Variants in NRAP observed in about 807,000 individuals in gnomAD.
NRAP encodes the protein nebulin related anchoring protein.
In NRAP, 189 loss-of-function variants were observed where a neutral mutation model predicts 225.9. That is an observed-to-expected ratio of 0.84 (90% CI 0.74 to 0.94). The LOEUF is 0.94. Ranked by LOEUF, NRAP falls within the 40% of genes least tolerant of loss-of-function variation. The probability of loss-of-function intolerance (pLI) is 0.00; values close to 1 mark genes in which losing one functional copy is unlikely to be tolerated. For synonymous variants in NRAP, 769 were observed against 790.7 expected (o/e 0.97, Z 0.46); for missense variants, 2,176 against 2,168.7 (o/e 1.00, Z -0.07).
Position 113,612,399 on chromosome 10 carries a change from C to T in NRAP, c.3333G>A (p.Lys1111=). Residue 1111 remains lysine (K), a synonymous_variant, in exon 30 of 42, where the codon AAG becomes AAA. Coordinates refer to ENST00000359988, the MANE Select transcript of NRAP (RefSeq NM_198060.4). The part of the protein sequence containing the change: ...VNYKKGFEHS[K]AQFHLPLDMA... ...TGTCCAACGGCAGATGGAACTGCGC[C>T]TTTGAGTGTTCAAAGCCTTTCTTGT... 1 of 1,614,172 alleles carries T rather than the reference C, an allele frequency of 6.2e-7. No individual in the cohort carries two copies. Among genetic ancestry groups the T allele is most frequent in the Non-Finnish European group, 8.5e-7 (1 of 1,180,036 alleles).
In NRAP at chr10:113,590,211, C is replaced by G. The variant is rs537907262; in HGVS notation, c.4956+367G>C. Reference sequence around the variant, plus strand: ...AGCATAGCCATCGAGAGCTTGGGCCCTCACAGCAAACCAAAAGGGGTTGGT... The same window carrying G: ...AGCATAGCCATCGAGAGCTTGGGCCGTCACAGCAAACCAAAAGGGGTTGGT... On this transcript the variant is annotated intron_variant, in intron 40 of 41. Coordinates refer to ENST00000359988, the MANE Select transcript of NRAP (RefSeq NM_198060.4). 1.1e-4 allele frequency among the ~76,000 whole-genome samples: 16 copies of G among 152,336 alleles called. No individual in the cohort carries two copies. In the South Asian group the frequency reaches 2.7e-3, roughly 26 times the overall value.
At chr10:113,599,782 G>A (rs1234506987) in intron 35 of NRAP, among the ~76,000 whole-genome samples, 1 of 149,080 alleles carries the variant, frequency 6.7e-6, no homozygotes, top group Non-Finnish European at 1.5e-5. Context: ...TGGTTTCGAA[G>A]AAGGATTATA....
At chr10:113,622,237 C>G in intron 23 of NRAP, 57 bp from the exon 24 acceptor site, 1 of 1,172,558 alleles carries the variant, frequency 8.5e-7, no homozygotes, top group South Asian at 1.4e-5. Context: ...AATTGTTAGG[C>G]TTCAGACTCC....
At chr10:113,617,340 C>T (rs1319077244) in intron 26 of NRAP, 115 bp downstream of exon 26, 21 of 678,654 alleles carry the variant, frequency 3.1e-5, no homozygotes, top group South Asian at 5.5e-5. Flanking sequence ...GGACAGGGAG[C>T]GCCTTCATCC....
At position 113,640,151 on chromosome 10, in the gene NRAP, T is replaced by C. The variant is rs1849113984; in HGVS notation, c.1428+76A>G. ...CTGTTGTATCATGTTTCTTTCCATC[T>C]TGCTACCTACAAATCACTCCTCAGG... On this transcript the variant is annotated intron_variant, in intron 14 of 41. Transcript: ENST00000359988. 8 of 788,088 alleles carry C rather than the reference T, an allele frequency of 1.0e-5. No individual in the cohort carries two copies. In the South Asian group the frequency reaches 1.3e-4, roughly 13 times the overall value. 48.8% of individuals were successfully genotyped at this position (788,088 alleles called of 1,614,324 possible). A position where few individuals can be genotyped will look rare whatever the true frequency, so the allele number is the denominator to read the frequency against.
At chr10:113,659,545 G>C (rs1383355449) in intron 3 of NRAP, among the ~76,000 whole-genome samples, 1 of 152,106 alleles carries the variant, frequency 6.6e-6, no homozygotes, top group African/African-American at 2.4e-5. Flanking sequence ...GCCTCCCCTA[G>C]GGACCTTTCG....
Position 113,605,756 on chromosome 10 carries a change from A to G in NRAP, c.3915+6T>C. The stretch of plus-strand genomic sequence containing the variant: ...GCAAGATGGAAGGTCATATCATTCA[A>G]CTCACATCACTGGCTATATCTCCAG... On this transcript the variant is annotated splice_donor_region_variant and intron_variant, in intron 34 of 41. Coordinates refer to ENST00000359988, the MANE Select transcript of NRAP (RefSeq NM_198060.4). 1 of 1,574,228 alleles carries G rather than the reference A, an allele frequency of 6.4e-7. No individual in the cohort carries two copies. Among genetic ancestry groups the G allele is most frequent in the Non-Finnish European group, 8.7e-7 (1 of 1,143,986 alleles).
chr10:113,605,848 G>T lies in NRAP; in HGVS notation c.3829C>A (p.Arg1277Ser), dbSNP rs1452260134. 1.2e-6 allele frequency: 2 copies of T among 1,613,482 alleles called. No homozygotes were observed. Among genetic ancestry groups the T allele is most frequent in the Non-Finnish European group, 1.7e-6 (2 of 1,179,416 alleles). Residue 1277 changes from arginine to serine, a missense_variant, in exon 34 of 42, where the codon CGT becomes AGT. Arg to Ser is a moderately radical substitution (Grantham distance 110, BLOSUM62 -1). Coordinates refer to ENST00000359988, the MANE Select transcript of NRAP (RefSeq NM_198060.4). The stretch of plus-strand genomic sequence containing the variant: ...TTGTAGCCTTGAGCACGAAGATTAC[G>T]CCAGGACTCTTTGTATCTTGCCTAA... ...LSDARYKESW[R>S]NLRAQGYKLT... is the part of the protein sequence containing the mutation.
chr10:113,659,525 G>A (rs1275069886), intron 3 of NRAP, among the ~76,000 whole-genome samples: 2 of 152,126 alleles, frequency 1.3e-5, no homozygotes. Flanking sequence ...TCTACCACTG[G>A]GGAGGGTTTG....
chr10:113,612,099 T>C, intron 30 of NRAP, 135 bp downstream of exon 30: 1 of 656,232 alleles, frequency 1.5e-6, no homozygotes, highest in Admixed American at 2.8e-5. Flanking sequence ...ACTCTCAGAC[T>C]GGGTTTCAAA....
chr10:113,654,789 C>T (rs1175862132), intron 4 of NRAP, among the ~76,000 whole-genome samples: 2 of 152,142 alleles, frequency 1.3e-5, no homozygotes, highest in African/African-American at 2.4e-5. Flanking sequence ...TTAGAAGGTC[C>T]GTTCCATGAA....
chr10:113,606,094 G>C (rs1846945874), intron 33 of NRAP, 84 bp downstream of exon 33: 1 of 1,037,388 alleles, frequency 9.6e-7, no homozygotes, highest in East Asian at 2.4e-5. Context: ...GTGAAGGCCA[G>C]AAAGGTCAGT....
In NRAP at chr10:113,663,901, A is replaced by G; in HGVS notation, c.-19T>C. 6.2e-7 allele frequency: 1 copy of G among 1,605,068 alleles called. No individual in the cohort carries two copies. The highest frequency in any genetic ancestry group is 8.5e-7 in the Non-Finnish European group (1 of 1,171,794). On this transcript the variant is annotated 5_prime_UTR_variant, in exon 1 of 42. Coordinates refer to ENST00000359988, the MANE Select transcript of NRAP (RefSeq NM_198060.4). ...CATTCATCTCGAAGCCGGAAGAGAG[A>G]GGACAAAGATAGGCAACAGGCAAGA...
intron 35 of NRAP, among the ~76,000 whole-genome samples, chr10:113,601,116 T>A (rs1846572980): frequency 6.6e-6 from 1 of 152,242 alleles, no homozygotes; most frequent in Non-Finnish European, 1.5e-5. Context: ...AATCAGCACC[T>A]GCCCATGATG....
At chr10:113,620,930 A>C (rs1393471742) in intron 24 of NRAP, among the ~76,000 whole-genome samples, 3 of 152,180 alleles carry the variant, frequency 2.0e-5, no homozygotes, top group Non-Finnish European at 4.4e-5. Context: ...TTTAGGCCCC[A>C]TCCAACACTA....
intron 15 of NRAP, 34 bp from the exon 16 acceptor site, chr10:113,633,222 A>C: frequency 2.4e-6 from 3 of 1,238,732 alleles, no homozygotes; most frequent in Non-Finnish European, 3.6e-6. Flanking sequence ...TAGGGTTTTT[A>C]TATGGGCAGA....
At chr10:113,649,842 G>A (rs993341871) in intron 9 of NRAP, among the ~76,000 whole-genome samples, 195 bp downstream of exon 9, 3 of 152,156 alleles carry the variant, frequency 2.0e-5, no homozygotes, top group African/African-American at 7.2e-5. Context: ...GCCTCAATCT[G>A]TTTTCCTAAG....
chr10:113,643,229 T>C (rs1231121780), intron 11 of NRAP, among the ~76,000 whole-genome samples, 191 bp from the exon 12 acceptor site: 3 of 152,216 alleles, frequency 2.0e-5, no homozygotes, highest in African/African-American at 7.2e-5. Context: ...TAGCAAATAA[T>C]TGGTTTCATT....
Position 113,592,222 on chromosome 10 carries a change from G to A in NRAP, c.4616C>T (p.Ala1539Val), listed in dbSNP as rs778430525. ...ACTGGCGATCTCCCTAGATGCCCGGGCAGTCTGGAAGGGGATGGCATCCAG... is the reference window on the plus strand; with the variant it reads ...ACTGGCGATCTCCCTAGATGCCCGGACAGTCTGGAAGGGGATGGCATCCAG... ...FRLDAIPFQT[A>V]RASREIASDF... The change falls in exon 39 of 42, where the codon GCC becomes GTC. Residue 1539 changes from alanine (A) to valine (V), a missense_variant. Ala to Val is a moderately conservative substitution (Grantham distance 64, BLOSUM62 0). Around this residue, in one of 3 missense-constraint regions of NRAP, gnomAD observed 445 missense variants for 426.1 expected, o/e 1.04. Transcript: ENST00000359988. 6.2e-7 allele frequency: 1 copy of A among 1,610,294 alleles called. No homozygotes were observed. The highest frequency in any genetic ancestry group is 8.5e-7 in the Non-Finnish European group (1 of 1,177,662).
Sources: gnomAD v4.1 joint callset for allele counts (sites outside exome capture counted in the v4.1 genomes callset) on GRCh38, gnomAD v4.1.1 for gene constraint, gnomAD v4.1.1 regional missense constraint, MANE v1.5 for transcripts, NCBI Gene and HGNC (gene_info 2026-07-23, HGNC 2026-07-21) for gene names.